The following VEPH1 variants were observed in gnomAD, a reference collection of about 807,000 sequenced individuals.
VEPH1 encodes ventricular zone expressed PH domain containing 1.
A neutral mutation model predicts 85.2 loss-of-function variants in VEPH1; 80 were observed. That is an observed-to-expected ratio of 0.94 (90% CI 0.78 to 1.13). The LOEUF (loss-of-function observed/expected upper bound fraction) is 1.13, where lower values mean the gene tolerates loss of function less well. Ranked by LOEUF, VEPH1 falls within the 50% of genes most tolerant of loss-of-function variation. VEPH1 has a pLI of 0.00. For missense variants in VEPH1, 955 were observed against 980.5 expected (o/e 0.97, Z 0.35); for synonymous variants, 297 against 348.0 (o/e 0.85, Z 1.63).
intron 9 of VEPH1, among the ~76,000 whole-genome samples, chr3:157,348,137 G>C (rs73156752): frequency 0.24 from 35,830 of 152,130 alleles, 4,946 homozygotes; most frequent in Admixed American, 0.44. Flanking sequence ...AAGGAACAGT[G>C]TGGCAATCCC....
chr3:157,399,618 C>T (rs1560032741), intron 6 of VEPH1, among the ~76,000 whole-genome samples: 1 of 151,924 alleles, frequency 6.6e-6, no homozygotes, highest in Non-Finnish European at 1.5e-5. Flanking sequence ...GATATTTTTA[C>T]AATTAAAAAA....
intron 9 of VEPH1, among the ~76,000 whole-genome samples, chr3:157,338,086 C>T (rs1723140722): frequency 6.6e-6 from 1 of 152,056 alleles, no homozygotes; most frequent in South Asian, 2.1e-4. Context: ...TACGTATCAT[C>T]CTTCCTCCTG....
rs538436541 is a variant in VEPH1 at position 157,262,413 on chromosome 3, T to C, written c.2266-1043A>G. Among the ~76,000 whole-genome samples, 15 of 152,190 alleles carry C rather than the reference T, an allele frequency of 9.9e-5. No individual in the cohort carries two copies. In the South Asian group the frequency reaches 3.1e-3, roughly 32 times the overall value. The stretch of plus-strand genomic sequence containing the variant: ...TAACTAAATCAGAAAAAATAACACT[T>C]GGAGACGGATGGTCACAAGGAATTT... On this transcript the variant is annotated intron_variant, in intron 13 of 13. Transcript: ENST00000362010.
chr3:157,421,115 A>T (rs911380152), intron 5 of VEPH1, among the ~76,000 whole-genome samples: 4 of 152,192 alleles, frequency 2.6e-5, no homozygotes, highest in Non-Finnish European at 5.9e-5. Flanking sequence ...GGATGCCTAG[A>T]GGGCAGTGAT....
intron 4 of VEPH1, among the ~76,000 whole-genome samples, chr3:157,430,099 A>G (rs1038468475): frequency 8.5e-5 from 13 of 152,250 alleles, no homozygotes; most frequent in African/African-American, 2.9e-4. Flanking sequence ...CAATAATATA[A>G]GGAACATTGG....
Position 157,481,365 on chromosome 3 carries a change from C to T in VEPH1, c.139-10836G>A, listed in dbSNP as rs914451267. On this transcript the variant is annotated intron_variant, in intron 2 of 13. Coordinates refer to ENST00000362010, the MANE Select transcript of VEPH1 (RefSeq NM_001167912.2). Reference sequence around the variant, plus strand: ...AGCAATCTATACATTCAACACAATTCCTATCAAATTACCAACATCATTTTT... The same window carrying T: ...AGCAATCTATACATTCAACACAATTTCTATCAAATTACCAACATCATTTTT... Among the ~76,000 whole-genome samples, 8 of 144,616 alleles carry T rather than the reference C, an allele frequency of 5.5e-5. No individual in the cohort carries two copies. The South Asian group carries it at 9.0e-4, about 16-fold the overall frequency. 94.9% of individuals were successfully genotyped at this position (144,616 alleles called of 152,430 possible).
At chr3:157,384,891 G>T (rs1192606461) in intron 6 of VEPH1, among the ~76,000 whole-genome samples, 3 of 152,282 alleles carry the variant, frequency 2.0e-5, no homozygotes, top group African/African-American at 7.2e-5. Context: ...CCTGCTTTCA[G>T]TCACCCCATT....
At chr3:157,403,469 A>C (rs6441128) in intron 6 of VEPH1, among the ~76,000 whole-genome samples, 110,543 of 151,884 alleles carry the variant, frequency 0.73, 41,691 homozygotes, top group African/African-American at 0.93. Context: ...TTTTATTGTG[A>C]TACTGGAATA....
rs1380941652 is a variant in VEPH1 at position 157,357,196 on chromosome 3, A to G, written c.1735+6168T>C. Among the ~76,000 whole-genome samples the G allele has an allele frequency of 2.6e-5, 4 of 152,246 alleles. No homozygotes were observed. In the South Asian group the frequency reaches 8.3e-4, roughly 32 times the overall value. On this transcript the variant is annotated intron_variant, in intron 9 of 13. Transcript: ENST00000362010. ...GCATTTTCGCTCCATTTATGTATTTACTTTTGCCTCTATTTGTTAGCAAGG... is the reference window on the plus strand; with the variant it reads ...GCATTTTCGCTCCATTTATGTATTTGCTTTTGCCTCTATTTGTTAGCAAGG...
intron 6 of VEPH1, among the ~76,000 whole-genome samples, chr3:157,406,144 A>C (rs1731124189): frequency 6.6e-6 from 1 of 152,132 alleles, no homozygotes; most frequent in Non-Finnish European, 1.5e-5. Context: ...TCCCCAATTC[A>C]TGACAGTTTT....
intron 1 of VEPH1, among the ~76,000 whole-genome samples, chr3:157,498,666 C>T (rs1739867877): frequency 6.6e-6 from 1 of 152,200 alleles, no homozygotes; most frequent in Admixed American, 6.5e-5. Flanking sequence ...CCTCCACATG[C>T]TGCACATCCC....
intron 3 of VEPH1, among the ~76,000 whole-genome samples, chr3:157,464,488 T>G (rs999363568): frequency 3.9e-5 from 6 of 152,344 alleles, no homozygotes; most frequent in African/African-American, 1.2e-4. Context: ...TGCTTCTCAG[T>G]GCAGATGTGA....
intron 6 of VEPH1, among the ~76,000 whole-genome samples, chr3:157,384,500 T>G (rs534931554): frequency 1.3e-5 from 2 of 152,318 alleles, no homozygotes; most frequent in South Asian, 4.1e-4. Flanking sequence ...ATGGTTTCAT[T>G]AAGAATCCTT....
chr3:157,374,147 C>T (rs1727821601), intron 7 of VEPH1, among the ~76,000 whole-genome samples: 1 of 152,148 alleles, frequency 6.6e-6, no homozygotes, highest in South Asian at 2.1e-4. Flanking sequence ...AGAAGACGGG[C>T]CCAAAACCGA....
chr3:157,487,766 A>G (rs1221002206), intron 2 of VEPH1, among the ~76,000 whole-genome samples: 1 of 152,144 alleles, frequency 6.6e-6, no homozygotes, highest in Non-Finnish European at 1.5e-5. Context: ...TGAAAAATCT[A>G]TTACTGTAAT....
Position 157,312,891 on chromosome 3 carries a change from A to T in VEPH1, c.2010+730T>A, listed in dbSNP as rs1384948941. ...ATGTGCTACTATGCCTGGCTAATTA[A>T]AAAAAAACATTTTTTTTTTTTTTTT... On this transcript the variant is annotated intron_variant, in intron 11 of 13. Coordinates refer to ENST00000362010, the MANE Select transcript of VEPH1 (RefSeq NM_001167912.2). Among the ~76,000 whole-genome samples the T allele has an allele frequency of 4.6e-4, 6 of 13,034 alleles. No individual in the cohort carries two copies. In the African/African-American group the frequency reaches 5.0e-3, roughly 11 times the overall value. 8.6% of individuals were successfully genotyped at this position (13,034 alleles called of 152,430 possible).
intron 9 of VEPH1, among the ~76,000 whole-genome samples, chr3:157,342,199 C>T (rs1723649072): frequency 6.6e-6 from 1 of 152,000 alleles, no homozygotes; most frequent in African/African-American, 2.4e-5. Flanking sequence ...TGTAAATGGG[C>T]TAAATGTTCC....
Position 157,272,375 on chromosome 3 carries a change from T to TTTCTTTTCTTTCTTTCTTTCTTTC in VEPH1, c.2129-6714_2129-6713insGAAAGAAAGAAAGAAAGAAAAGAA, listed in dbSNP as rs200016080. Among the ~76,000 whole-genome samples the TTTCTTTTCTTTCTTTCTTTCTTTC allele has an allele frequency of 2.6e-4, 25 of 95,036 alleles. 1 individual carries two copies. Among genetic ancestry groups the TTTCTTTTCTTTCTTTCTTTCTTTC allele is most frequent in the Admixed American group, 7.2e-4 (6 of 8,316 alleles). The allele number at this position is 95,036 out of a possible 152,430, so 62.3% of individuals were successfully genotyped here. A position where few individuals can be genotyped will look rare whatever the true frequency, so the allele number is the denominator to read the frequency against. On this transcript the variant is annotated intron_variant, in intron 12 of 13. Coordinates refer to ENST00000362010, the MANE Select transcript of VEPH1 (RefSeq NM_001167912.2). ...CTCTCTCTTTCTTTCTTTCTCTTTCTTTTCTTTCTTTCTTTCTTTCTTTCT... is the reference window on the plus strand; with the variant it reads ...CTCTCTCTTTCTTTCTTTCTCTTTCTTTCTTTTCTTTCTTTCTTTCTTTCTTTCTTTCTTTCTTTCTTTCTTTCT...
rs1237245016 is a variant in VEPH1, at chr3:157,438,069, A to ACACACACACC, written c.530-9582_530-9581insGGTGTGTGTG. 4.6e-3 allele frequency among the ~76,000 whole-genome samples: 681 copies of ACACACACACC among 149,518 alleles called. 5 individuals carry two copies. Among genetic ancestry groups the ACACACACACC allele is most frequent in the Middle Eastern group, 0.014 (4 of 288 alleles). The stretch of plus-strand genomic sequence containing the variant: ...CACACACACACACACACACACACAC[A>ACACACACACC]CACCCCTATTTCTGCATGCGCGGTC... On this transcript the variant is annotated intron_variant, in intron 4 of 13. Transcript: ENST00000362010.
Sources: gnomAD v4.1 joint callset for allele counts (sites outside exome capture counted in the v4.1 genomes callset) on GRCh38, gnomAD v4.1.1 for gene constraint, MANE v1.5 for transcripts, NCBI Gene and HGNC (gene_info 2026-07-23, HGNC 2026-07-21) for gene names.